Variants in CFAP95 observed in about 807,000 individuals in gnomAD.
CFAP95 encodes the protein cilia- and flagella-associated protein 95.
chr9:69,842,896 T>C, the CFAP95 span, among the ~76,000 whole-genome samples: 2 of 152,208 alleles, frequency 1.3e-5, no homozygotes, highest in African/African-American at 4.8e-5. Context: ...TGGGTTCTAC[T>C]GCAGAGCTCT....
At chr9:69,901,328 G>A in the CFAP95 span, among the ~76,000 whole-genome samples, 2 of 151,984 alleles carry the variant, frequency 1.3e-5, no homozygotes, top group African/African-American at 2.4e-5. Context: ...TAGTAGAGAC[G>A]GGGTTTCACC....
chr9:69,890,322 AT>A, the CFAP95 span, among the ~76,000 whole-genome samples: 1 of 152,116 alleles, frequency 6.6e-6, no homozygotes, highest in East Asian at 1.9e-4. Flanking sequence ...TTGTTTCCAC[AT>A]TAACAGCACA....
chr9:69,885,769 A>T, the CFAP95 span, among the ~76,000 whole-genome samples: 1 of 152,132 alleles, frequency 6.6e-6, no homozygotes, highest in Non-Finnish European at 1.5e-5. Flanking sequence ...TGGGTCAAAA[A>T]GTTCATAGAG....
At chr9:69,852,349 G>A in the CFAP95 span, among the ~76,000 whole-genome samples, 1 of 152,078 alleles carries the variant, frequency 6.6e-6, no homozygotes, top group African/African-American at 2.4e-5. Context: ...AATTATTTGG[G>A]CGGTAACTGA....
chr9:69,876,550 G>T, the CFAP95 span, among the ~76,000 whole-genome samples: 4 of 151,760 alleles, frequency 2.6e-5, no homozygotes, highest in Non-Finnish European at 5.9e-5. Context: ...AAAAAAAAAA[G>T]AGTTTTAAAA....
chr9:69,829,517 T>C, the CFAP95 span, among the ~76,000 whole-genome samples: 1 of 152,204 alleles, frequency 6.6e-6, no homozygotes, highest in African/African-American at 2.4e-5. Flanking sequence ...GGAAAGATCC[T>C]TGCTATACAG....
chr9:69,820,933 G>A, the CFAP95 span: 4 of 1,613,938 alleles, frequency 2.5e-6, no homozygotes, highest in South Asian at 4.4e-5. Flanking sequence ...AGCAACACTG[G>A]TTGGAGATCG....
At chr9:69,847,653 T>G in the CFAP95 span, among the ~76,000 whole-genome samples, 1 of 152,172 alleles carries the variant, frequency 6.6e-6, no homozygotes, top group African/African-American at 2.4e-5. Flanking sequence ...CTGTCCTATT[T>G]CCTGAATTAT....
At chr9:69,830,288 G>C in the CFAP95 span, among the ~76,000 whole-genome samples, 1 of 152,174 alleles carries the variant, frequency 6.6e-6, no homozygotes, top group Non-Finnish European at 1.5e-5. Context: ...GCTAGGCAAG[G>C]GCAAATGGAA....
chr9:69,842,227 G>A, the CFAP95 span, among the ~76,000 whole-genome samples: 1 of 152,154 alleles, frequency 6.6e-6, no homozygotes, highest in African/African-American at 2.4e-5. Flanking sequence ...GTCTACCTAT[G>A]AGTTTGTGTG....
the CFAP95 span, among the ~76,000 whole-genome samples, chr9:69,849,997 A>G: frequency 6.6e-6 from 1 of 152,176 alleles, no homozygotes; most frequent in Non-Finnish European, 1.5e-5. Context: ...TTCAACTTGT[A>G]AAGCCTTTCA....
chr9:69,898,805 T>A, the CFAP95 span, among the ~76,000 whole-genome samples: 23 of 152,316 alleles, frequency 1.5e-4, no homozygotes, highest in South Asian at 6.2e-4. Flanking sequence ...ACCTTCCAAA[T>A]AAACATTTTT....
chr9:69,876,334 A>G, the CFAP95 span, among the ~76,000 whole-genome samples: 1 of 152,080 alleles, frequency 6.6e-6, no homozygotes, highest in Non-Finnish European at 1.5e-5. Context: ...GGAGTTCAAG[A>G]CCAGCCTGGC....
the CFAP95 span, among the ~76,000 whole-genome samples, chr9:69,845,759 C>A: frequency 1.3e-5 from 2 of 152,222 alleles, no homozygotes; most frequent in African/African-American, 4.8e-5. Context: ...ACCCCAACCT[C>A]TCTGTGTCAC....
chr9:69,846,746 C>T, the CFAP95 span, among the ~76,000 whole-genome samples: 1 of 152,206 alleles, frequency 6.6e-6, no homozygotes, highest in Non-Finnish European at 1.5e-5. Context: ...GCAAGTCCTT[C>T]TTCCTGTTGT....
chr9:69,879,950 T>C, the CFAP95 span, among the ~76,000 whole-genome samples: 11 of 152,152 alleles, frequency 7.2e-5, no homozygotes, highest in Non-Finnish European at 1.5e-4. Flanking sequence ...TCACACTGTA[T>C]ATACTTTTAT....
chr9:69,844,494 C>A, the CFAP95 span: 2 of 1,484,850 alleles, frequency 1.3e-6, no homozygotes, highest in Non-Finnish European at 1.8e-6. Flanking sequence ...CATCTCTTAA[C>A]GGACTCCTAA....
At chr9:69,878,373 G>C in the CFAP95 span, among the ~76,000 whole-genome samples, 1 of 152,136 alleles carries the variant, frequency 6.6e-6, no homozygotes, top group African/African-American at 2.4e-5. Flanking sequence ...TTCTCCTTCT[G>C]TGGGTGCTGT....
chr9:69,875,751 C>T, the CFAP95 span, among the ~76,000 whole-genome samples: 1 of 152,216 alleles, frequency 6.6e-6, no homozygotes, highest in Non-Finnish European at 1.5e-5. Context: ...CTAAAATACT[C>T]TTCAAACATC....
Sources: gnomAD v4.1 joint callset for allele counts (sites outside exome capture counted in the v4.1 genomes callset) on GRCh38, gnomAD v4.1.1 for gene constraint, MANE v1.5 for transcripts, NCBI Gene and HGNC (gene_info 2026-07-23, HGNC 2026-07-21) for gene names.